Variants in NBAS observed in about 807,000 individuals in gnomAD.
NBAS encodes the protein NAG/BC035112 fusion.
In NBAS, 219 loss-of-function variants were observed where a neutral mutation model predicts 302.5. That is an observed-to-expected ratio of 0.72 (90% CI 0.65 to 0.81). The LOEUF (loss-of-function observed/expected upper bound fraction) is 0.81, where lower values mean the gene tolerates loss of function less well. Ranked by LOEUF, NBAS falls within the 30% of genes least tolerant of loss-of-function variation. The pLI is 0.00. For missense variants in NBAS, 2,932 were observed against 2,841.6 expected, an observed-to-expected ratio of 1.03 and a Z score of -0.72; for synonymous variants, 1,118 against 1,021.6, an observed-to-expected ratio of 1.09 and a Z score of -1.80.
At chr2:14,789,813 C>T in the NBAS span, among the ~76,000 whole-genome samples, 1 of 152,188 alleles carries the variant, frequency 6.6e-6, no homozygotes, top group Non-Finnish European at 1.5e-5. Flanking sequence ...GAAAGTAGAA[C>T]TGTGTATTCA....
chr2:14,782,409 T>C, the NBAS span, among the ~76,000 whole-genome samples: 1 of 152,086 alleles, frequency 6.6e-6, no homozygotes, highest in Non-Finnish European at 1.5e-5. Flanking sequence ...CGCAATGAAA[T>C]ACCATCTCAC....
intron 35 of NBAS, among the ~76,000 whole-genome samples, chr2:15,348,790 A>T (rs1395079593): frequency 1.3e-5 from 2 of 152,286 alleles, no homozygotes. Context: ...CTTTATGAAA[A>T]GTTAACTAGG....
At chr2:14,990,095 C>A in the NBAS span, among the ~76,000 whole-genome samples, 1 of 150,688 alleles carries the variant, frequency 6.6e-6, no homozygotes, top group Non-Finnish European at 1.5e-5. Flanking sequence ...TTTAAATGAC[C>A]CCATTTCTCA....
chr2:15,281,020 C>T (rs767799828), intron 42 of NBAS, among the ~76,000 whole-genome samples: 1 of 152,156 alleles, frequency 6.6e-6, no homozygotes, highest in Non-Finnish European at 1.5e-5. Context: ...CAAGTGTCTG[C>T]AAACTGAAGA....
intron 43 of NBAS, among the ~76,000 whole-genome samples, chr2:15,276,102 G>A (rs967470890): frequency 6.6e-6 from 1 of 152,084 alleles, no homozygotes; most frequent in Non-Finnish European, 1.5e-5. Context: ...CATGCCTTTC[G>A]AATCCGCCGC....
At chr2:15,064,221 T>C in the NBAS span, among the ~76,000 whole-genome samples, 1 of 150,414 alleles carries the variant, frequency 6.6e-6, no homozygotes, top group Admixed American at 6.6e-5. Flanking sequence ...ATAGAAAAAA[T>C]TAACAAACTG....
chr2:14,957,309 G>GTGTGTA, the NBAS span, among the ~76,000 whole-genome samples: 8 of 144,524 alleles, frequency 5.5e-5, no homozygotes, highest in African/African-American at 2.0e-4. Flanking sequence ...GTGTGTGTGT[G>GTGTGTA]TAAAGTCCTG....
rs79943832 is a variant in NBAS, at chr2:15,362,824, G to A, written c.3817+3756C>T. On this transcript the variant is annotated intron_variant, in intron 32 of 51. Transcript: ENST00000281513. ...TTATTTTGCAGATATAATTAAATAC[G>A]GTACTCTGTTGACTTTACGTAAAGA... Among the ~76,000 whole-genome samples, 1,236 of 152,136 alleles carry A rather than the reference G, an allele frequency of 8.1e-3. 17 individuals are homozygous for A. Among genetic ancestry groups the A allele is most frequent in the African/African-American group, 0.028 (1,147 of 41,506 alleles).
intron 6 of NBAS, among the ~76,000 whole-genome samples, chr2:15,544,258 C>T (rs1663995533): frequency 6.6e-6 from 1 of 151,876 alleles, no homozygotes; most frequent in Non-Finnish European, 1.5e-5. Context: ...TTAATAGTGT[C>T]GCCAGAAGAA....
rs1677000096 is a variant in NBAS at position 15,417,469 on chromosome 2, T to A, written c.2763+58A>T. The A allele has an allele frequency of 2.1e-6, 3 of 1,431,406 alleles. No homozygotes were observed. The African/African-American group carries it at 4.3e-5, about 20-fold the overall frequency. The allele number at this position is 1,431,406 out of a possible 1,614,324, so 88.7% of individuals were successfully genotyped here. A position where few individuals can be genotyped will look rare whatever the true frequency, so the allele number is the denominator to read the frequency against. On this transcript the variant is annotated intron_variant, in intron 24 of 51. Coordinates refer to ENST00000281513, the MANE Select transcript of NBAS (RefSeq NM_015909.4). ...ATCTTTGGTTTGAGACACATATGTA[T>A]CAAAGTGCATAGAAAATGCTTTAAA...
intron 12 of NBAS, 63 bp downstream of exon 12, chr2:15,488,831 T>C (rs1680740064): frequency 6.3e-7 from 1 of 1,594,380 alleles, no homozygotes; most frequent in African/African-American, 1.3e-5. Context: ...ATCAATAAAA[T>C]AAAATTAGTA....
chr2:15,293,692 G>T (rs1344634985), intron 40 of NBAS, among the ~76,000 whole-genome samples: 2 of 151,876 alleles, frequency 1.3e-5, no homozygotes, highest in East Asian at 3.9e-4. Context: ...GAAACACACA[G>T]CTAATTATAG....
the NBAS span, among the ~76,000 whole-genome samples, chr2:15,001,677 C>A: frequency 6.6e-6 from 1 of 152,080 alleles, no homozygotes. Context: ...AATGAAGCCG[C>A]GGACCCTCGC....
chr2:15,116,068 C>T, the NBAS span, among the ~76,000 whole-genome samples: 1 of 152,092 alleles, frequency 6.6e-6, no homozygotes. Context: ...GGATAACAGC[C>T]ACAAGAGAGT....
At chr2:14,836,323 GT>G in the NBAS span, among the ~76,000 whole-genome samples, 3 of 151,614 alleles carry the variant, frequency 2.0e-5, no homozygotes, top group African/African-American at 7.3e-5. Context: ...TTATCTCATG[GT>G]TAATGCTTTT....
the NBAS span, among the ~76,000 whole-genome samples, chr2:15,160,585 C>CGGGGGGGGGGGGG: frequency 5.4e-5 from 5 of 92,290 alleles, no homozygotes; most frequent in African/African-American, 1.9e-4. Context: ...CCAGTGTGGG[C>CGGGGGGGGGGGGG]GGGGGGAGGG....
intron 25 of NBAS, among the ~76,000 whole-genome samples, chr2:15,414,238 G>A (rs1676815226): frequency 6.6e-6 from 1 of 152,134 alleles, no homozygotes; most frequent in Admixed American, 6.5e-5. Flanking sequence ...GCTAAGCAAT[G>A]TTTTCCTTTC....
At chr2:15,327,435 A>G (rs1345498889) in intron 38 of NBAS, among the ~76,000 whole-genome samples, 2 of 152,258 alleles carry the variant, frequency 1.3e-5, no homozygotes, top group Non-Finnish European at 2.9e-5. Flanking sequence ...GCATAAAATC[A>G]GGAAATAAAT....
At chr2:15,196,871 T>C (rs1009820277) in intron 48 of NBAS, among the ~76,000 whole-genome samples, 30 of 152,284 alleles carry the variant, frequency 2.0e-4, no homozygotes, top group African/African-American at 6.0e-4. Context: ...CCACAGGAAA[T>C]TGGCATGCCT....
Sources: allele counts gnomAD v4.1 joint callset (sites outside exome capture counted in the v4.1 genomes callset), GRCh38; gene constraint gnomAD v4.1.1; transcripts MANE v1.5; gene names NCBI Gene and HGNC (gene_info 2026-07-23, HGNC 2026-07-21).